SGCZ: variants seen among roughly 807,000 people sequenced by gnomAD.
The protein encoded by SGCZ is zeta-sarcoglycan.
SGCZ carries 40 observed loss-of-function variants against 41.3 expected under a neutral mutation model. That is an observed-to-expected ratio of 0.97 (90% CI 0.75 to 1.26). The LOEUF is 1.26. Among genes scored for constraint, SGCZ ranks in the 50% most tolerant of loss-of-function variants. The pLI, the probability that SGCZ is intolerant of heterozygous loss-of-function variation, is 0.00. For synonymous variants in SGCZ, 206 were observed against 137.5 expected (o/e 1.50, Z -3.49); for missense variants, 552 against 369.8 (o/e 1.49, Z -4.04).
intron 1 of SGCZ, among the ~76,000 whole-genome samples, chr8:14,688,020 T>G (rs1055940543): frequency 3.9e-5 from 6 of 152,314 alleles, no homozygotes; most frequent in African/African-American, 1.4e-4. Context: ...TTCATGTCCT[T>G]CGCCCACTTT....
chr8:14,095,164 C>T (rs751263256), intron 7 of SGCZ, among the ~76,000 whole-genome samples: 12 of 152,110 alleles, frequency 7.9e-5, no homozygotes, highest in Non-Finnish European at 1.8e-4. Context: ...CTTCTGTTGC[C>T]ATTGCTTTTG....
In SGCZ at chr8:14,174,710, G is replaced by A. The variant is rs374263972; in HGVS notation, c.425-10008C>T. On this transcript the variant is annotated intron_variant, in intron 4 of 7. Coordinates refer to ENST00000382080, the MANE Select transcript of SGCZ (RefSeq NM_139167.4). ...AATATGAAACGGAAATAAAATAGTG[G>A]AATATGGTGTGCCTTGCCAGGGCTG... is the stretch of plus-strand genomic sequence containing the variant. 5.3e-5 allele frequency among the ~76,000 whole-genome samples: 8 copies of A among 152,162 alleles called. No homozygotes were observed. In the South Asian group the frequency reaches 1.0e-3, roughly 20 times the overall value.
intron 2 of SGCZ, among the ~76,000 whole-genome samples, chr8:14,375,287 G>T (rs902621097): frequency 1.3e-5 from 2 of 152,134 alleles, no homozygotes; most frequent in African/African-American, 4.8e-5. Flanking sequence ...GAAACTATTG[G>T]AAATGCAAAG....
At chr8:14,586,844 G>A (rs1454113679) in intron 1 of SGCZ, among the ~76,000 whole-genome samples, 1 of 151,952 alleles carries the variant, frequency 6.6e-6, no homozygotes. Flanking sequence ...TTCCTCAAAT[G>A]CTACTGACAT....
intron 2 of SGCZ, among the ~76,000 whole-genome samples, chr8:14,427,081 T>C (rs9657236): frequency 2.4e-4 from 27 of 112,934 alleles, no homozygotes; most frequent in South Asian, 1.2e-3. Flanking sequence ...AATGAACGAA[T>C]GAATGAGTGA....
In SGCZ at chr8:14,085,334, A is replaced by C. The variant is rs1801493680; in HGVS notation, c.*5109T>G. Among the ~76,000 whole-genome samples the C allele has an allele frequency of 6.6e-6, 1 of 151,836 alleles. No homozygotes were observed. Among genetic ancestry groups the C allele is most frequent in the East Asian group, 1.9e-4 (1 of 5,148 alleles). ...ATAAATGAATAGTGGACCTGATTTA[A>C]AGAATTGTATAAATAACGAGACACT... On this transcript the variant is annotated 3_prime_UTR_variant, in exon 8 of 8. Transcript: ENST00000382080.
intron 1 of SGCZ, among the ~76,000 whole-genome samples, chr8:14,686,828 G>C (rs994183154): frequency 6.6e-6 from 1 of 152,094 alleles, no homozygotes; most frequent in East Asian, 1.9e-4. Flanking sequence ...AGAAAGATCA[G>C]CTAAAGAGAG....
chr8:14,769,467 G>A (rs552344718), intron 1 of SGCZ, among the ~76,000 whole-genome samples: 1 of 152,250 alleles, frequency 6.6e-6, no homozygotes, highest in Admixed American at 6.5e-5. Flanking sequence ...ATGTATCAGT[G>A]CTCATAAAAG....
chr8:14,562,684 CA>C (rs1384557863), intron 1 of SGCZ, among the ~76,000 whole-genome samples: 4 of 151,870 alleles, frequency 2.6e-5, no homozygotes, highest in Non-Finnish European at 5.9e-5. Context: ...GTAGAGACAG[CA>C]AATGTAGACA....
chr8:14,981,820 T>C (rs1393857872), intron 1 of SGCZ, among the ~76,000 whole-genome samples: 2 of 152,176 alleles, frequency 1.3e-5, no homozygotes, highest in Non-Finnish European at 2.9e-5. Flanking sequence ...AACAGCCAGA[T>C]AAAGTATATT....
At chr8:14,160,602 C>T (rs1347966100) in intron 5 of SGCZ, among the ~76,000 whole-genome samples, 2 of 152,158 alleles carry the variant, frequency 1.3e-5, no homozygotes, top group Admixed American at 6.6e-5. Flanking sequence ...AAGCAAACTT[C>T]TCCTGGGCAA....
intron 2 of SGCZ, among the ~76,000 whole-genome samples, chr8:14,496,042 G>T (rs1173378333): frequency 1.3e-5 from 2 of 152,042 alleles, no homozygotes; most frequent in African/African-American, 2.4e-5. Context: ...AAATTGGAAA[G>T]ATCGTGTGGT....
intron 5 of SGCZ, among the ~76,000 whole-genome samples, chr8:14,149,340 C>T (rs907706473): frequency 1.3e-5 from 2 of 151,986 alleles, no homozygotes; most frequent in Non-Finnish European, 2.9e-5. Context: ...TTGCAGGACA[C>T]AAAATCAACA....
At chr8:14,535,265 A>T (rs1803258134) in intron 2 of SGCZ, among the ~76,000 whole-genome samples, 1 of 151,936 alleles carries the variant, frequency 6.6e-6, no homozygotes, top group Non-Finnish European at 1.5e-5. Context: ...TTTTAATTGT[A>T]AGACATCTAT....
intron 1 of SGCZ, among the ~76,000 whole-genome samples, chr8:15,140,595 C>T (rs1808283465): frequency 2.0e-5 from 3 of 152,022 alleles, no homozygotes; most frequent in Admixed American, 6.6e-5. Context: ...CCAAAAATGA[C>T]CCATATTATT....
intron 2 of SGCZ, among the ~76,000 whole-genome samples, chr8:14,509,022 C>G (rs1043120253): frequency 7.9e-5 from 12 of 152,100 alleles, no homozygotes; most frequent in Admixed American, 1.3e-4. Flanking sequence ...TAATATCGAA[C>G]TTTCAAACAC....
At chr8:14,752,590 G>A (rs948769670) in intron 1 of SGCZ, among the ~76,000 whole-genome samples, 8 of 152,044 alleles carry the variant, frequency 5.3e-5, no homozygotes, top group Non-Finnish European at 8.8e-5. Flanking sequence ...CATATTGCTG[G>A]CAACTAAAAT....
chr8:15,139,697 T>G (rs992788871), intron 1 of SGCZ, among the ~76,000 whole-genome samples: 1 of 152,216 alleles, frequency 6.6e-6, no homozygotes, highest in East Asian at 1.9e-4. Context: ...AGTCCTCATG[T>G]TGTACATTAG....
intron 2 of SGCZ, among the ~76,000 whole-genome samples, chr8:14,360,768 G>A (rs765257987): frequency 2.0e-5 from 3 of 152,132 alleles, no homozygotes; most frequent in African/African-American, 7.2e-5. Flanking sequence ...GGACATTCAC[G>A]TTCAGGTTTC....
Sources: allele counts gnomAD v4.1 joint callset (sites outside exome capture counted in the v4.1 genomes callset), GRCh38; gene constraint gnomAD v4.1.1; transcripts MANE v1.5; gene names NCBI Gene and HGNC (gene_info 2026-07-23, HGNC 2026-07-21).